SPIDR: variants seen among roughly 807,000 people sequenced by gnomAD.
The protein encoded by SPIDR is DNA repair-scaffolding protein.
In SPIDR, 93 loss-of-function variants were observed where a neutral mutation model predicts 104.6. The ratio of observed to expected loss-of-function variants is 0.89; its 90% CI spans 0.75 to 1.06. The LOEUF is 1.06. Ranked by LOEUF, SPIDR falls within the 50% of genes least tolerant of loss-of-function variation. SPIDR has a pLI of 0.00. For synonymous variants in SPIDR, 431 were observed against 416.9 expected, an observed-to-expected ratio of 1.03 and a Z score of -0.41; for missense variants, 1,154 against 1,111.2, an observed-to-expected ratio of 1.04 and a Z score of -0.55.
At position 47,719,830 on chromosome 8, in the gene SPIDR, C is replaced by T. The variant is rs571621241; in HGVS notation, c.2341+6189C>T. The stretch of plus-strand genomic sequence containing the variant: ...CAACCCGCACTCAAGGAACCCAATG[C>T]TCCTTACATTTACAGGAGCCAGGGC... On this transcript the variant is annotated intron_variant, in intron 16 of 19. Coordinates refer to ENST00000297423, the MANE Select transcript of SPIDR (RefSeq NM_001080394.4). Among the ~76,000 whole-genome samples, 60 of 152,258 alleles carry T rather than the reference C, an allele frequency of 3.9e-4. 1 individual carries two copies. In the South Asian group the frequency reaches 0.012, roughly 32 times the overall value.
At position 47,476,799 on chromosome 8, in the gene SPIDR, G is replaced by A. The variant is rs1322439687; in HGVS notation, c.1097+36257G>A. ...GTATGCAAGAGAAGCAGCAGGCTGC[G>A]TTAAAGTAGGAGACTCGGTCAACAC... is the stretch of plus-strand genomic sequence containing the variant. On this transcript the variant is annotated intron_variant, in intron 8 of 19. Coordinates refer to ENST00000297423, the MANE Select transcript of SPIDR (RefSeq NM_001080394.4). Among the ~76,000 whole-genome samples the A allele has an allele frequency of 3.3e-5, 5 of 152,210 alleles. No homozygotes were observed. The East Asian group carries it at 7.7e-4, about 23-fold the overall frequency.
At chr8:47,382,030 A>G (rs1407663110) in intron 5 of SPIDR, among the ~76,000 whole-genome samples, 2 of 152,228 alleles carry the variant, frequency 1.3e-5, no homozygotes, top group South Asian at 2.1e-4. Context: ...TGACCTTTCT[A>G]TAAATTTTAG....
Position 47,701,855 on chromosome 8 carries a change from C to T in SPIDR, c.1908C>T (p.Asp636=). The stretch of plus-strand genomic sequence containing the variant: ...CTCCAGTTACCCGCTGCTTAAGAGA[C>T]ATTCTCCAGGTAATGTCTTTGTTTC... The part of the protein sequence containing the change: ...YQPPVTRCLR[D]ILQMNDLGTR... The change falls in exon 13 of 20, where the codon GAC becomes GAT. Residue 636 remains aspartate (D), a synonymous_variant. Coordinates refer to ENST00000297423, the MANE Select transcript of SPIDR (RefSeq NM_001080394.4). 1.9e-6 allele frequency: 3 copies of T among 1,614,144 alleles called. No homozygotes were observed. Among genetic ancestry groups the T allele is most frequent in the Non-Finnish European group, 2.5e-6 (3 of 1,180,024 alleles).
intron 8 of SPIDR, among the ~76,000 whole-genome samples, chr8:47,492,105 A>T (rs1554740223): frequency 1.3e-5 from 2 of 151,822 alleles, no homozygotes; most frequent in African/African-American, 4.8e-5. Context: ...TGTGCATCAG[A>T]TTCACCCCTT....
At chr8:47,676,843 C>A (rs149242495) in intron 11 of SPIDR, among the ~76,000 whole-genome samples, 1 of 152,368 alleles carries the variant, frequency 6.6e-6, no homozygotes, top group African/African-American at 2.4e-5. Context: ...AGCCACCAGG[C>A]AGGCACACAT....
chr8:47,555,412 T>A (rs984712758), intron 8 of SPIDR, among the ~76,000 whole-genome samples: 13 of 152,294 alleles, frequency 8.5e-5, no homozygotes, highest in African/African-American at 3.1e-4. Flanking sequence ...GTCCCTTGCA[T>A]CACTAAAATC....
At chr8:47,408,023 T>G in intron 7 of SPIDR, 62 bp downstream of exon 7, 2 of 851,692 alleles carry the variant, frequency 2.3e-6, no homozygotes, top group Non-Finnish European at 3.6e-6. Context: ...AAAGAATTCT[T>G]ACATTAAAAT....
chr8:47,386,669 T>G (rs1476786996), intron 5 of SPIDR, among the ~76,000 whole-genome samples: 1 of 152,168 alleles, frequency 6.6e-6, no homozygotes, highest in Non-Finnish European at 1.5e-5. Flanking sequence ...TATTTAGATA[T>G]AATGAGTAGT....
At position 47,694,121 on chromosome 8, in the gene SPIDR, A is replaced by G. The variant is rs182480749; in HGVS notation, c.1686-6282A>G. Among the ~76,000 whole-genome samples, 717 of 152,358 alleles carry G rather than the reference A, an allele frequency of 4.7e-3. 4 individuals are homozygous for G. Among genetic ancestry groups the G allele is most frequent in the Middle Eastern group, 0.014 (4 of 294 alleles). Reference sequence around the variant, plus strand: ...AGAATGGAGTTATAGGAAGTGTTACATTATTTATAAATAACCCACATGCAT... The same window carrying G: ...AGAATGGAGTTATAGGAAGTGTTACGTTATTTATAAATAACCCACATGCAT... On this transcript the variant is annotated intron_variant, in intron 11 of 19. Coordinates refer to ENST00000297423, the MANE Select transcript of SPIDR (RefSeq NM_001080394.4).
intron 16 of SPIDR, among the ~76,000 whole-genome samples, chr8:47,720,736 G>C (rs2083272497): frequency 6.6e-6 from 1 of 151,716 alleles, no homozygotes; most frequent in African/African-American, 2.4e-5. Context: ...ATTTTTCCCA[G>C]TTCATGGCTT....
At chr8:47,294,832 A>G (rs1340292102) in intron 5 of SPIDR, among the ~76,000 whole-genome samples, 1 of 152,058 alleles carries the variant, frequency 6.6e-6, no homozygotes, top group Non-Finnish European at 1.5e-5. Flanking sequence ...TCTTTTCTGC[A>G]TGTATGTGAG....
intron 10 of SPIDR, among the ~76,000 whole-genome samples, chr8:47,625,391 G>A (rs1272343425): frequency 1.6e-4 from 24 of 152,260 alleles, no homozygotes; most frequent in African/African-American, 2.4e-4. Flanking sequence ...GGCCAGGGCA[G>A]TCAGGCAGGA....
At chr8:47,549,512 G>C (rs2090087605) in intron 8 of SPIDR, among the ~76,000 whole-genome samples, 1 of 152,180 alleles carries the variant, frequency 6.6e-6, no homozygotes, top group Non-Finnish European at 1.5e-5. Context: ...GCATTTCTCT[G>C]ATGGCCAGTG....
At chr8:47,483,291 T>G (rs561775553) in intron 8 of SPIDR, among the ~76,000 whole-genome samples, 1 of 152,334 alleles carries the variant, frequency 6.6e-6, no homozygotes, top group East Asian at 1.9e-4. Flanking sequence ...GTTAAAAATC[T>G]TTACAGCCAT....
intron 8 of SPIDR, among the ~76,000 whole-genome samples, chr8:47,465,623 T>G (rs1564049564): frequency 2.0e-5 from 3 of 152,078 alleles, no homozygotes; most frequent in African/African-American, 7.2e-5. Flanking sequence ...TAATCCCAGC[T>G]ACTGAGGGAG....
At chr8:47,328,047 A>G (rs1198436053) in intron 5 of SPIDR, among the ~76,000 whole-genome samples, 2 of 144,992 alleles carry the variant, frequency 1.4e-5, no homozygotes, top group African/African-American at 5.1e-5. Context: ...ATATTCTTGG[A>G]TGCACAATAG....
intron 8 of SPIDR, among the ~76,000 whole-genome samples, chr8:47,507,309 T>A (rs1408585011): frequency 6.6e-6 from 1 of 152,206 alleles, no homozygotes; most frequent in African/African-American, 2.4e-5. Flanking sequence ...ATGGTTTAGC[T>A]CAGTAGTTGC....
chr8:47,611,530 C>T (rs986192840), intron 10 of SPIDR, among the ~76,000 whole-genome samples: 2 of 151,966 alleles, frequency 1.3e-5, no homozygotes, highest in African/African-American at 2.4e-5. Flanking sequence ...AACCCCGTCT[C>T]TACTAAAAAT....
chr8:47,422,338 C>T (rs372187694), intron 7 of SPIDR, among the ~76,000 whole-genome samples: 8 of 152,170 alleles, frequency 5.3e-5, no homozygotes, highest in African/African-American at 1.7e-4. Flanking sequence ...CTCACTGCCC[C>T]CTTGCAGTTT....
Sources: allele counts gnomAD v4.1 joint callset (sites outside exome capture counted in the v4.1 genomes callset), GRCh38; gene constraint gnomAD v4.1.1; transcripts MANE v1.5; gene names NCBI Gene and HGNC (gene_info 2026-07-23, HGNC 2026-07-21).